The following MIGA1 variants were observed in gnomAD, a reference collection of about 807,000 sequenced individuals.
MIGA1 encodes the protein family with sequence similarity 73, member A.
A neutral mutation model predicts 82.0 loss-of-function variants in MIGA1; 58 were observed. That is an observed-to-expected ratio of 0.71 (90% CI 0.57 to 0.88). The LOEUF is 0.88. Among genes scored for constraint, MIGA1 ranks in the 40% least tolerant of loss-of-function variants. MIGA1 has a pLI of 0.00. For synonymous variants in MIGA1, 249 were observed against 253.6 expected (o/e 0.98, Z 0.17); for missense variants, 751 against 749.1 (o/e 1.00, Z -0.03).
intron 4 of MIGA1, among the ~76,000 whole-genome samples, chr1:77,805,567 T>C (rs1185929660): frequency 6.6e-6 from 1 of 150,726 alleles, no homozygotes; most frequent in Non-Finnish European, 1.5e-5. Context: ...TCTCACTCTG[T>C]TGCCCAGGCT....
chr1:77,806,366 G>C (rs1021961419), intron 4 of MIGA1, among the ~76,000 whole-genome samples: 10 of 152,194 alleles, frequency 6.6e-5, no homozygotes, highest in Non-Finnish European at 1.5e-4. Context: ...TATGTCGAAA[G>C]TGTCTGTAGT....
chr1:77,785,910 T>G (rs546345770), intron 2 of MIGA1, among the ~76,000 whole-genome samples: 294 of 152,308 alleles, frequency 1.9e-3, no homozygotes, highest in African/African-American at 6.9e-3. Flanking sequence ...CACTAGGCGG[T>G]GCCCCAGTAG....
chr1:77,874,965 G>A lies in MIGA1; in HGVS notation c.1800G>A (p.Met600Ile), dbSNP rs762689733. The A allele has an allele frequency of 2.5e-6, 4 of 1,614,132 alleles. No homozygotes were observed. In the Admixed American group the frequency reaches 6.7e-5, roughly 27 times the overall value. The change falls in exon 16 of 16, where the codon ATG (methionine) becomes ATA (isoleucine). Residue 600 changes from methionine to isoleucine, a missense_variant. Physicochemically the swap from Met to Ile is conservative, Grantham distance 10. This residue lies in a region of MIGA1 where 265 missense variants were observed against 293.6 expected (regional missense o/e 0.90). Coordinates refer to ENST00000370791, the MANE Select transcript of MIGA1 (RefSeq NM_198549.4). ...TCATTCGCCGCACTGAGCTTTTAATGGCCTATCTTGAAGCAGATGCCCTGA... is the reference window on the plus strand; with the variant it reads ...TCATTCGCCGCACTGAGCTTTTAATAGCCTATCTTGAAGCAGATGCCCTGA...
intron 2 of MIGA1, among the ~76,000 whole-genome samples, chr1:77,801,066 C>T (rs576525408): frequency 3.3e-5 from 5 of 151,958 alleles, no homozygotes; most frequent in East Asian, 1.9e-4. Context: ...AAAATATTAA[C>T]GGGGTTGAAT....
At chr1:77,873,570 G>A (rs538004296) in intron 15 of MIGA1, among the ~76,000 whole-genome samples, 1 of 152,298 alleles carries the variant, frequency 6.6e-6, no homozygotes, top group East Asian at 1.9e-4. Context: ...TCCAAGTTGT[G>A]AGAAATAAAA....
intron 7 of MIGA1, among the ~76,000 whole-genome samples, chr1:77,826,640 T>C (rs567394035): frequency 2.0e-5 from 3 of 152,260 alleles, no homozygotes; most frequent in African/African-American, 7.2e-5. Flanking sequence ...CATGACTAGC[T>C]AATTTTTTAA....
chr1:77,830,915 C>T (rs1684218341), intron 7 of MIGA1, among the ~76,000 whole-genome samples: 1 of 152,084 alleles, frequency 6.6e-6, no homozygotes, highest in African/African-American at 2.4e-5. Context: ...GCTAATGTGC[C>T]TATTTTCAGG....
chr1:77,782,955 G>A (rs1681988909), intron 1 of MIGA1: 3 of 820,302 alleles, frequency 3.7e-6, no homozygotes, highest in Non-Finnish European at 4.4e-6. Context: ...TCTAGAACTC[G>A]CAATTTCCTA....
Position 77,875,050 on chromosome 1 carries a change from G to T in MIGA1, c.1885G>T (p.Ala629Ser). 6.2e-7 allele frequency: 1 copy of T among 1,612,682 alleles called. No individual in the cohort carries two copies. The highest frequency in any genetic ancestry group is 8.5e-7 in the Non-Finnish European group (1 of 1,178,826). Reference sequence around the variant, plus strand: ...TGTTATGTCCACTGGGCTACTGGAAGCCAAAGTACAATAAGTACCATAAGA... The same window carrying T: ...TGTTATGTCCACTGGGCTACTGGAATCCAAAGTACAATAAGTACCATAAGA... The change falls in exon 16 of 16, where the codon GCC becomes TCC. Residue 629 changes from alanine to serine, a missense_variant. Coordinates refer to ENST00000370791, the MANE Select transcript of MIGA1 (RefSeq NM_198549.4).
At chr1:77,805,519 T>G (rs1219620640) in intron 4 of MIGA1, among the ~76,000 whole-genome samples, 3 of 150,342 alleles carry the variant, frequency 2.0e-5, no homozygotes, top group Non-Finnish European at 3.0e-5. Flanking sequence ...ACCTATTCTT[T>G]TTTCTTTTTT....
intron 7 of MIGA1, among the ~76,000 whole-genome samples, chr1:77,816,348 G>GT (rs1336335876): frequency 1.3e-5 from 2 of 152,088 alleles, no homozygotes; most frequent in Non-Finnish European, 2.9e-5. Flanking sequence ...AAATTACATG[G>GT]TTTTTTTGGT....
intron 7 of MIGA1, among the ~76,000 whole-genome samples, chr1:77,824,983 C>CTTTTTTTT (rs11375207): frequency 7.8e-5 from 8 of 103,134 alleles, no homozygotes; most frequent in Non-Finnish European, 9.6e-5. Flanking sequence ...TTCTATTCCT[C>CTTTTTTTT]TTTTTTTTTT....
intron 7 of MIGA1, among the ~76,000 whole-genome samples, chr1:77,838,216 C>G (rs2101876691): frequency 6.6e-6 from 1 of 152,292 alleles, no homozygotes; most frequent in East Asian, 1.9e-4. Context: ...CTATCATGTA[C>G]AGCAAAATGT....
chr1:77,864,126 C>A, intron 13 of MIGA1, 98 bp downstream of exon 13: 1 of 1,289,734 alleles, frequency 7.8e-7, no homozygotes, highest in Non-Finnish European at 1.1e-6. Context: ...TTTGGGAGGC[C>A]AAGGCAGGCG....
chr1:77,870,831 C>T (rs1169001210), intron 14 of MIGA1, among the ~76,000 whole-genome samples: 4 of 151,436 alleles, frequency 2.6e-5, no homozygotes, highest in East Asian at 2.0e-4. Context: ...TCTGCAATCC[C>T]GGCACCTCGG....
At chr1:77,822,858 T>TC (rs1197450925) in intron 7 of MIGA1, among the ~76,000 whole-genome samples, 13 of 145,018 alleles carry the variant, frequency 9.0e-5, no homozygotes, top group Middle Eastern at 7.2e-3. Context: ...TTTTTTTTTT[T>TC]CCGAGACAGA....
chr1:77,825,948 T>C (rs1340884452), intron 7 of MIGA1, among the ~76,000 whole-genome samples: 1 of 152,160 alleles, frequency 6.6e-6, no homozygotes, highest in Non-Finnish European at 1.5e-5. Flanking sequence ...TCATCTGTAA[T>C]GTGTAGGAGT....
chr1:77,799,880 T>G (rs1410606843), intron 2 of MIGA1, among the ~76,000 whole-genome samples: 2 of 152,012 alleles, frequency 1.3e-5, no homozygotes, highest in African/African-American at 4.8e-5. Context: ...GCTGTTGGTC[T>G]TATTGATTTC....
chr1:77,781,740 C>G (rs2101672128), intron 1 of MIGA1, among the ~76,000 whole-genome samples: 1 of 152,264 alleles, frequency 6.6e-6, no homozygotes, highest in Non-Finnish European at 1.5e-5. Context: ...ACTTAGAACA[C>G]TGGTAGGGGG....
Sources: allele counts gnomAD v4.1 joint callset (sites outside exome capture counted in the v4.1 genomes callset), GRCh38; gene constraint gnomAD v4.1.1; regional missense constraint gnomAD v4.1.1; transcripts MANE v1.5; gene names NCBI Gene and HGNC (gene_info 2026-07-23, HGNC 2026-07-21).